The following ULK2 variants were observed in gnomAD, a reference collection of about 807,000 sequenced individuals.
ULK2 encodes unc-51 like autophagy activating kinase 2, also known as serine/threonine-protein kinase ULK2.
A neutral mutation model predicts 127.5 loss-of-function variants in ULK2; 76 were observed. That is an observed-to-expected ratio of 0.60 (90% CI 0.50 to 0.72). The LOEUF (loss-of-function observed/expected upper bound fraction) is 0.72, where lower values mean the gene tolerates loss of function less well. ULK2 is among the 30% of genes least tolerant of loss of function. The pLI, the probability that ULK2 is intolerant of heterozygous loss-of-function variation, is 0.00. For missense variants in ULK2, 1,144 were observed against 1,295.9 expected (o/e 0.88, Z 1.80); for synonymous variants, 452 against 461.9 (o/e 0.98, Z 0.28).
intron 7 of ULK2, among the ~76,000 whole-genome samples, 186 bp from the exon 8 acceptor site, chr17:19,843,408 T>C (rs1398720014): frequency 1.3e-5 from 2 of 152,116 alleles, no homozygotes; most frequent in East Asian, 3.8e-4. Flanking sequence ...TGAGATTTAC[T>C]AGTAAATCTC....
chr17:19,814,440 T>TATATATATATATATATATACATATATATA (rs1567696572), intron 13 of ULK2, among the ~76,000 whole-genome samples: 3 of 7,076 alleles, frequency 4.2e-4, no homozygotes, highest in African/African-American at 1.1e-3. Context: ...ATATATATAT[T>TATATATATATATATATATACATATATATA]TTTTTTTTTT....
At chr17:19,781,256 T>C (rs2086914091) in intron 23 of ULK2, 152 bp from the exon 24 acceptor site, 1 of 657,216 alleles carries the variant, frequency 1.5e-6, no homozygotes, top group African/African-American at 1.9e-5. Flanking sequence ...TTTTTTTTTT[T>C]TTTTTGACAG....
chr17:19,804,653 G>A (rs2087474650), intron 15 of ULK2, 40 bp downstream of exon 15: 1 of 1,533,386 alleles, frequency 6.5e-7, no homozygotes, highest in Admixed American at 2.0e-5. Context: ...TTTTAAAGGA[G>A]ATGAAAAAGA....
chr17:19,843,257 G>C, intron 7 of ULK2, 35 bp from the exon 8 acceptor site: 2 of 1,377,172 alleles, frequency 1.5e-6, no homozygotes, highest in Non-Finnish European at 2.0e-6. Context: ...CATGCCGTAC[G>C]TTATTTACAT....
At position 19,841,514 on chromosome 17, in the gene ULK2, C is replaced by T. The variant is rs1363158273; in HGVS notation, c.679G>A (p.Glu227Lys). 1 of 1,588,734 alleles carries T rather than the reference C, an allele frequency of 6.3e-7. No homozygotes were observed. The highest frequency in any genetic ancestry group is 1.9e-5 in the Admixed American group (1 of 53,532). ...NSPQDLRMFY[E>K]KNRSLMPSIP... ...CTAGGCATTAAGCTCCTGTTTTTTT[C>T]ATAAAACATCCTTAAGTCTTGAGGA... is the stretch of plus-strand genomic sequence containing the variant. The change falls in exon 9 of 27, where the codon GAA (glutamate) becomes AAA (lysine). Residue 227 changes from glutamate (E) to lysine (K), a missense_variant. Glu to Lys is a moderately conservative substitution (Grantham distance 56). Coordinates refer to ENST00000395544, the MANE Select transcript of ULK2 (RefSeq NM_014683.4).
Position 19,786,189 on chromosome 17 carries a change from G to T in ULK2, c.2102-103C>A, listed in dbSNP as rs1431660186. On this transcript the variant is annotated intron_variant, in intron 20 of 26. Transcript: ENST00000395544. The stretch of plus-strand genomic sequence containing the variant: ...TGACTTTTATATCAGGAGTCTAGTG[G>T]TTTTTTTTTTTTCCCTCTTCTTACA... The T allele has an allele frequency of 6.8e-5, 59 of 873,506 alleles. No homozygotes were observed. In the East Asian group the frequency reaches 9.7e-4, roughly 14 times the overall value. The allele number at this position is 873,506 out of a possible 1,614,324, so 54.1% of individuals were successfully genotyped here. A position where few individuals can be genotyped will look rare whatever the true frequency, so the allele number is the denominator to read the frequency against.
intron 3 of ULK2, among the ~76,000 whole-genome samples, chr17:19,861,972 T>C (rs1306179797): frequency 6.6e-6 from 1 of 152,234 alleles, no homozygotes; most frequent in African/African-American, 2.4e-5. Context: ...TTTAACACTG[T>C]GCATGCTATT....
chr17:19,839,936 C>T (rs2041697279), intron 9 of ULK2, among the ~76,000 whole-genome samples: 1 of 150,704 alleles, frequency 6.6e-6, no homozygotes, highest in African/African-American at 2.5e-5. Context: ...TAACAAAATG[C>T]ACACATACAC....
intron 3 of ULK2, among the ~76,000 whole-genome samples, chr17:19,859,107 T>C (rs577232818): frequency 3.5e-4 from 52 of 150,562 alleles, no homozygotes; most frequent in Non-Finnish European, 6.9e-4. Context: ...CTGGGCAACA[T>C]AGTGACCTCA....
intron 13 of ULK2, among the ~76,000 whole-genome samples, chr17:19,811,572 G>A (rs1212840630): frequency 6.6e-6 from 1 of 151,976 alleles, no homozygotes; most frequent in Non-Finnish European, 1.5e-5. Flanking sequence ...CTCCCAAGTA[G>A]CTGGGATTAC....
At chr17:19,848,982 C>A (rs913562340) in intron 5 of ULK2, among the ~76,000 whole-genome samples, 1 of 152,034 alleles carries the variant, frequency 6.6e-6, no homozygotes, top group African/African-American at 2.4e-5. Context: ...GAAATATTCA[C>A]ATAAATACCT....
In ULK2 at chr17:19,861,955, C is replaced by A. The variant is rs2042251334; in HGVS notation, c.225+2848G>T. 5.3e-5 allele frequency among the ~76,000 whole-genome samples: 8 copies of A among 152,168 alleles called. No individual in the cohort carries two copies. The South Asian group carries it at 1.7e-3, about 32-fold the overall frequency. On this transcript the variant is annotated intron_variant, in intron 3 of 26. Transcript: ENST00000395544. ...TTGGAAAGCAATCATACTCTACAAT[C>A]AAAAATTTTAACACTGTGCATGCTA... is the stretch of plus-strand genomic sequence containing the variant.
intron 10 of ULK2, among the ~76,000 whole-genome samples, chr17:19,837,321 G>A (rs939918187): frequency 2.0e-5 from 3 of 151,964 alleles, no homozygotes; most frequent in African/African-American, 4.8e-5. Context: ...TGGGGAGGCT[G>A]AGGTGGGAGG....
At chr17:19,843,082 G>T in intron 8 of ULK2, 39 bp downstream of exon 8, 2 of 1,469,346 alleles carry the variant, frequency 1.4e-6, no homozygotes, top group East Asian at 2.3e-5. Context: ...AAAATGACAA[G>T]ATCCCAAAAC....
At chr17:19,840,284 C>A in intron 9 of ULK2, 2 of 526,164 alleles carry the variant, frequency 3.8e-6, no homozygotes, top group East Asian at 5.2e-5. Context: ...AGTACAACAA[C>A]CCCAACCGCA....
intron 3 of ULK2, among the ~76,000 whole-genome samples, chr17:19,854,581 G>A (rs532360532): frequency 1.3e-5 from 2 of 152,158 alleles, no homozygotes; most frequent in South Asian, 4.2e-4. Flanking sequence ...GGGATAGCTG[G>A]TTGGGCTTTC....
chr17:19,797,472 T>C lies in ULK2; in HGVS notation c.1733A>G (p.His578Arg), dbSNP rs1060499754. The change falls in exon 18 of 27, where the codon CAC becomes CGC. Residue 578 changes from histidine to arginine, a missense_variant. His to Arg is a conservative substitution (Grantham distance 29, BLOSUM62 0). Transcript: ENST00000395544. ...AGAACTCCGTGGAGAGGACCCCAAG[T>C]GCTTGGTGGGAGAAGTTCCAAGGCT... ...PGSLGTSPTK[H>R]LGSSPRSSDW... The C allele has an allele frequency of 6.2e-7, 1 of 1,613,958 alleles. No homozygotes were observed. Among genetic ancestry groups the C allele is most frequent in the Non-Finnish European group, 8.5e-7 (1 of 1,179,978 alleles).
chr17:19,815,112 C>G (rs566160625), intron 13 of ULK2, among the ~76,000 whole-genome samples: 6 of 152,152 alleles, frequency 3.9e-5, no homozygotes, highest in Admixed American at 2.0e-4. Flanking sequence ...GCAGGCTCAA[C>G]CTGTAACTAT....
At chr17:19,799,401 A>G (rs969485886) in intron 17 of ULK2, 94 bp downstream of exon 17, 5 of 1,099,696 alleles carry the variant, frequency 4.5e-6, no homozygotes, top group African/African-American at 1.6e-5. Context: ...GATATTTCAT[A>G]TCAATTCTGT....
Sources: allele counts gnomAD v4.1 joint callset (sites outside exome capture counted in the v4.1 genomes callset), GRCh38; gene constraint gnomAD v4.1.1; transcripts MANE v1.5; gene names NCBI Gene and HGNC (gene_info 2026-07-23, HGNC 2026-07-21).